LAT2: variants seen among roughly 807,000 people sequenced by gnomAD.
LAT2 encodes the protein linker for activation of T-cells family member 2.
A neutral mutation model predicts 43.4 loss-of-function variants in LAT2; 23 were observed. That is an observed-to-expected ratio of 0.53 (90% CI 0.38 to 0.75). LAT2 has a LOEUF of 0.75. Ranked by LOEUF, LAT2 falls within the 30% of genes least tolerant of loss-of-function variation. The probability of loss-of-function intolerance (pLI) is 0.00; values close to 1 mark genes in which losing one functional copy is unlikely to be tolerated. For synonymous variants in LAT2, 128 were observed against 123.2 expected (o/e 1.04, Z -0.26); for missense variants, 284 against 310.2 (o/e 0.92, Z 0.64).
intron 10 of LAT2, 57 bp from the exon 11 acceptor site, chr7:74,223,667 A>ATCCTCCC: frequency 6.6e-7 from 1 of 1,514,174 alleles, no homozygotes; most frequent in Non-Finnish European, 9.2e-7. Context: ...CGGGAGGATG[A>ATCCTCCC]GCCAGGCTTT....
At chr7:74,224,304 C>T in intron 12 of LAT2, 107 bp downstream of exon 12, 1 of 1,210,342 alleles carries the variant, frequency 8.3e-7, no homozygotes, top group Non-Finnish European at 1.2e-6. Context: ...GTCCAGCTAA[C>T]CCCGCAGTGA....
At chr7:74,223,359 G>A (rs1802361577) in intron 10 of LAT2, among the ~76,000 whole-genome samples, 1 of 152,200 alleles carries the variant, frequency 6.6e-6, no homozygotes, top group Non-Finnish European at 1.5e-5. Flanking sequence ...GCGTGGTGGT[G>A]CATGCCTGTA....
chr7:74,228,958 A>C lies in LAT2; in HGVS notation c.*33A>C, dbSNP rs577687670. 6.6e-6 allele frequency: 1 copy of C among 152,416 alleles called. No homozygotes were observed. Among genetic ancestry groups the C allele is most frequent in the South Asian group, 2.1e-4 (1 of 4,832 alleles). 9.4% of individuals were successfully genotyped at this position (152,416 alleles called of 1,614,324 possible). A position where few individuals can be genotyped will look rare whatever the true frequency, so the allele number is the denominator to read the frequency against. On this transcript the variant is annotated 3_prime_UTR_variant, in exon 14 of 14. Transcript: ENST00000460943. ...CTTCATTTAAGGAGCCAAGGCAAAG[A>C]GGGACCACTGTGCTCATGGACCCAT...
intron 4 of LAT2, among the ~76,000 whole-genome samples, chr7:74,218,093 G>A (rs1310676788): frequency 6.6e-6 from 1 of 152,064 alleles, no homozygotes. Context: ...TAGAGCCATA[G>A]ATGGTCAGGG....
intron 13 of LAT2, 126 bp downstream of exon 13, chr7:74,224,886 C>A: frequency 4.4e-6 from 3 of 675,330 alleles, no homozygotes; most frequent in Non-Finnish European, 7.4e-6. Context: ...CTACAGGGTG[C>A]ACCCATGGGT....
intron 10 of LAT2, among the ~76,000 whole-genome samples, chr7:74,223,481 C>T (rs534227889): frequency 1.3e-5 from 2 of 152,126 alleles, no homozygotes; most frequent in Admixed American, 6.6e-5. Context: ...AGAGCAAGAC[C>T]GTCTCAACAA....
intron 9 of LAT2, among the ~76,000 whole-genome samples, chr7:74,221,318 T>C (rs552497149): frequency 9.6e-5 from 14 of 146,384 alleles, no homozygotes; most frequent in African/African-American, 3.3e-4. Context: ...GGGAGGCTGA[T>C]GCAGGAGAAT....
intron 1 of LAT2, among the ~76,000 whole-genome samples, chr7:74,211,012 GC>G (rs111818480): frequency 0.022 from 3,333 of 152,180 alleles, 114 homozygotes; most frequent in African/African-American, 0.074. Context: ...CTCCAGCCCA[GC>G]CCCGAGAACT....
Position 74,220,481 on chromosome 7 carries a change from C to T in LAT2, c.266-103C>T, listed in dbSNP as rs1243773021. The T allele has an allele frequency of 2.0e-6, 3 of 1,484,958 alleles. No homozygotes were observed. The highest frequency in any genetic ancestry group is 2.8e-6 in the Non-Finnish European group (3 of 1,072,054). 92.0% of individuals were successfully genotyped at this position (1,484,958 alleles called of 1,614,324 possible). A position where few individuals can be genotyped will look rare whatever the true frequency, so the allele number is the denominator to read the frequency against. On this transcript the variant is annotated intron_variant, in intron 7 of 13. Coordinates refer to ENST00000460943, the MANE Select transcript of LAT2 (RefSeq NM_032464.3). The surrounding 1 kb of genome is among the most constrained non-coding windows in gnomAD (Gnocchi z 4.5). ...GAGGGGACAGGGAGCACTGCAAAGG[C>T]TCAGACACGGGAAATAGCTGGCCCT...
intron 13 of LAT2, among the ~76,000 whole-genome samples, 155 bp from the exon 14 acceptor site, chr7:74,228,788 CA>C (rs782556105): frequency 0.022 from 3,023 of 135,830 alleles, 50 homozygotes; most frequent in Middle Eastern, 0.046. Flanking sequence ...GACTCCATCT[CA>C]AAAAAAAAAA....
chr7:74,214,036 A>G (rs1284909523), intron 1 of LAT2, among the ~76,000 whole-genome samples: 1 of 134,524 alleles, frequency 7.4e-6, no homozygotes, highest in Non-Finnish European at 1.5e-5. Context: ...GCAGCCATAT[A>G]TATGTATATA....
chr7:74,215,734 C>G (rs1802014450), intron 2 of LAT2, among the ~76,000 whole-genome samples: 2 of 152,142 alleles, frequency 1.3e-5, no homozygotes, highest in Admixed American at 1.3e-4. Flanking sequence ...CAGCACTTAT[C>G]AAGGGTGAAG....
chr7:74,225,229 C>T (rs1802443558), intron 13 of LAT2: 1 of 155,748 alleles, frequency 6.4e-6, no homozygotes, highest in Non-Finnish European at 1.4e-5. Context: ...TTCATCTCTA[C>T]TAAAAACACA....
chr7:74,214,445 AATATATATATGAAAATATATATATAAAT>A lies in LAT2; in HGVS notation c.-218-325_-218-298del, dbSNP rs1554713799. ...ATATATATATGAAAATATATATATA[AATATATATATGAAAATATATATATAAAT>A]ATATATATATGAAAATATATATATA... On this transcript the variant is annotated intron_variant, in intron 1 of 13. Transcript: ENST00000460943. Among the ~76,000 whole-genome samples, 28 of 58,918 alleles carry A rather than the reference AATATATATATGAAAATATATATATAAAT, an allele frequency of 4.8e-4. 1 individual carries two copies. Among genetic ancestry groups the A allele is most frequent in the South Asian group, 1.5e-3 (2 of 1,302 alleles). The allele number at this position is 58,918 out of a possible 152,430, so 38.7% of individuals were successfully genotyped here.
chr7:74,220,739 G>A lies in LAT2; in HGVS notation c.332+5G>A. The A allele has an allele frequency of 6.3e-7, 1 of 1,585,622 alleles. No homozygotes were observed. Among genetic ancestry groups the A allele is most frequent in the Non-Finnish European group, 8.6e-7 (1 of 1,160,914 alleles). On this transcript the variant is annotated splice_donor_5th_base_variant and intron_variant, in intron 9 of 13. Coordinates refer to ENST00000460943, the MANE Select transcript of LAT2 (RefSeq NM_032464.3). This position sits in a 1 kb window ranked among gnomAD's most constrained non-coding sequence, Gnocchi z 4.5. ...CGGGTCGGAGGAAGCCTACATGTGAGTGACCTTGATCCTGTCCCCCCTGCC... is the reference window on the plus strand; with the variant it reads ...CGGGTCGGAGGAAGCCTACATGTGAATGACCTTGATCCTGTCCCCCCTGCC...
chr7:74,214,489 T>C (rs1282588278), intron 1 of LAT2, among the ~76,000 whole-genome samples: 1 of 41,006 alleles, frequency 2.4e-5, no homozygotes, highest in Non-Finnish European at 3.8e-5. Flanking sequence ...TATATGAAAA[T>C]ATATATATAA....
rs1434046103 is a variant in LAT2, at chr7:74,214,796, T to A, written c.-218-26T>A. 3.1e-4 allele frequency: 38 copies of A among 121,282 alleles called. 2 individuals are homozygous for A. Among genetic ancestry groups the A allele is most frequent in the African/African-American group, 7.3e-4 (22 of 30,256 alleles). 7.5% of individuals were successfully genotyped at this position (121,282 alleles called of 1,614,324 possible). On this transcript the variant is annotated intron_variant, in intron 1 of 13. Transcript: ENST00000460943. ...ATATAAATATATATATATATATTTT[T>A]TTTTTTTTTTGTATTTTTTTTGTAG...
chr7:74,226,126 T>A (rs1364914094), intron 13 of LAT2: 1 of 149,600 alleles, frequency 6.7e-6, no homozygotes, highest in Admixed American at 6.6e-5. Flanking sequence ...GCAAGACCTC[T>A]CTCTCTACAA....
chr7:74,221,743 G>A (rs782061636), intron 10 of LAT2, 51 bp downstream of exon 10: 1 of 1,518,414 alleles, frequency 6.6e-7, no homozygotes, highest in East Asian at 2.3e-5. Flanking sequence ...GGGAGCTCAG[G>A]GCAGAAGCCA....
Sources: gnomAD v4.1 joint callset for allele counts (sites outside exome capture counted in the v4.1 genomes callset) on GRCh38, gnomAD v4.1.1 for gene constraint, Gnocchi (gnomAD v3.1) non-coding constraint, MANE v1.5 for transcripts, NCBI Gene and HGNC (gene_info 2026-07-23, HGNC 2026-07-21) for gene names.